ASTN2: variants seen among roughly 807,000 people sequenced by gnomAD.
ASTN2 encodes the protein astrotactin 2.
ASTN2 carries 54 observed loss-of-function variants against 139.8 expected under a neutral mutation model. The observed-to-expected ratio is 0.39, with a 90% CI of 0.31 to 0.48. The LOEUF is 0.48. Ranked by LOEUF, ASTN2 falls within the 20% of genes least tolerant of loss-of-function variation. The probability of loss-of-function intolerance (pLI) is 0.95; values close to 1 mark genes in which losing one functional copy is unlikely to be tolerated. For synonymous variants in ASTN2, 756 were observed against 719.5 expected (o/e 1.05, Z -0.81); for missense variants, 1,565 against 1,725.1 (o/e 0.91, Z 1.64).
rs187724854 is a variant in ASTN2, at chr9:116,496,436, A to G, written c.3356-8936T>C. 5.3e-5 allele frequency among the ~76,000 whole-genome samples: 8 copies of G among 152,270 alleles called. No homozygotes were observed. The East Asian group carries it at 1.4e-3, about 26-fold the overall frequency. ...GTTTATTTGGGAGGTGATTCCAGGG[A>G]GCAGGTATGGGGTAAAGGGCAGAGT... On this transcript the variant is annotated intron_variant, in intron 19 of 22. Coordinates refer to ENST00000313400, the MANE Select transcript of ASTN2 (RefSeq NM_001365068.1).
At chr9:116,978,791 G>GAA (rs3038406) in intron 7 of ASTN2, among the ~76,000 whole-genome samples, 44,427 of 149,826 alleles carry the variant, frequency 0.3, 6,691 homozygotes, top group Admixed American at 0.38. Flanking sequence ...AGGCTTCAGG[G>GAA]AAAAAAAAAA....
chr9:117,388,448 A>G (rs1173169282), intron 1 of ASTN2, among the ~76,000 whole-genome samples: 1 of 152,158 alleles, frequency 6.6e-6, no homozygotes, highest in Admixed American at 6.5e-5. Context: ...GATCTCCTTC[A>G]TCCTAGTGGG....
chr9:117,215,057 G>A (rs1294125567), intron 2 of ASTN2, among the ~76,000 whole-genome samples: 1 of 152,120 alleles, frequency 6.6e-6, no homozygotes, highest in Non-Finnish European at 1.5e-5. Context: ...ATGGATAACG[G>A]TCATGTCAGA....
intron 20 of ASTN2, among the ~76,000 whole-genome samples, chr9:116,457,523 T>C (rs566621516): frequency 3.9e-5 from 6 of 152,082 alleles, no homozygotes; most frequent in Non-Finnish European, 8.8e-5. Flanking sequence ...AATAACCCCA[T>C]TTAAAAATGG....
intron 1 of ASTN2, among the ~76,000 whole-genome samples, chr9:117,401,261 G>T (rs1727298605): frequency 6.6e-6 from 1 of 152,132 alleles, no homozygotes; most frequent in South Asian, 2.1e-4. Flanking sequence ...ACGTAGCTGA[G>T]GGAGCAAAAT....
At chr9:117,210,444 A>C (rs1832083374) in intron 3 of ASTN2, among the ~76,000 whole-genome samples, 1 of 152,154 alleles carries the variant, frequency 6.6e-6, no homozygotes, top group South Asian at 2.1e-4. Context: ...TAGGTCAATA[A>C]ATTTGAAAAC....
chr9:116,552,825 T>C (rs565397692), intron 19 of ASTN2, among the ~76,000 whole-genome samples: 103 of 152,362 alleles, frequency 6.8e-4, no homozygotes, highest in Non-Finnish European at 1.4e-3. Flanking sequence ...CTAAGCTGCA[T>C]GGGCACAGTC....
chr9:117,379,250 C>T (rs375099653), intron 1 of ASTN2, among the ~76,000 whole-genome samples: 19 of 152,260 alleles, frequency 1.2e-4, no homozygotes, highest in South Asian at 1.0e-3. Context: ...TTCCCCACCA[C>T]GACAGTCTAG....
At chr9:116,638,920 A>T (rs1351233939) in intron 17 of ASTN2, among the ~76,000 whole-genome samples, 1 of 152,224 alleles carries the variant, frequency 6.6e-6, no homozygotes, top group East Asian at 1.9e-4. Flanking sequence ...TTATCTTTTG[A>T]GTGTTTATGT....
rs763514812 is a variant in ASTN2, at chr9:116,545,244, CCTAGAT to C, written c.3356-57750_3356-57745del. 3.0e-4 allele frequency among the ~76,000 whole-genome samples: 45 copies of C among 152,286 alleles called. 1 individual carries two copies. The highest frequency in any genetic ancestry group is 3.4e-3 in the Middle Eastern group (1 of 294). On this transcript the variant is annotated intron_variant, in intron 19 of 22. Transcript: ENST00000313400. ...TTTGAGAGGGCCTGGAGTTTCAGCCCCTAGATGGGGCTGGGTGCCAGTGGTTTTCTG... is the reference window on the plus strand; with the variant it reads ...TTTGAGAGGGCCTGGAGTTTCAGCCCGGGGCTGGGTGCCAGTGGTTTTCTG...
intron 16 of ASTN2, among the ~76,000 whole-genome samples, chr9:116,689,695 T>G (rs527286297): frequency 2.6e-5 from 4 of 152,192 alleles, no homozygotes; most frequent in African/African-American, 9.7e-5. Context: ...TATCACTGAC[T>G]ATCAGATTGA....
intron 2 of ASTN2, among the ~76,000 whole-genome samples, chr9:117,289,546 G>A (rs540424465): frequency 3.9e-5 from 6 of 152,274 alleles, no homozygotes; most frequent in African/African-American, 1.4e-4. Flanking sequence ...TTACAAGAAG[G>A]ATACATGCAA....
chr9:117,231,996 A>C (rs1832906796), intron 2 of ASTN2, among the ~76,000 whole-genome samples: 1 of 152,156 alleles, frequency 6.6e-6, no homozygotes, highest in South Asian at 2.1e-4. Flanking sequence ...AGCAGCCCAG[A>C]AGGGGATTAG....
intron 20 of ASTN2, among the ~76,000 whole-genome samples, chr9:116,442,979 A>G (rs912712168): frequency 5.3e-5 from 8 of 152,242 alleles, no homozygotes; most frequent in African/African-American, 1.4e-4. Context: ...ACCAGGAAGT[A>G]CTTTAAGTGC....
intron 2 of ASTN2, among the ~76,000 whole-genome samples, chr9:117,263,205 C>T (rs1427417478): frequency 6.6e-6 from 1 of 152,010 alleles, no homozygotes; most frequent in Non-Finnish European, 1.5e-5. Context: ...TCTCTTTTTC[C>T]CTAATGATAC....
In ASTN2 at chr9:117,039,873, A is replaced by G. The variant is rs1243399049; in HGVS notation, c.1369T>C (p.Cys457Arg). The G allele has an allele frequency of 6.2e-7, 1 of 1,613,870 alleles. No homozygotes were observed. Among genetic ancestry groups the G allele is most frequent in the East Asian group, 2.2e-5 (1 of 44,774 alleles). Residue 457 changes from cysteine (C) to arginine (R), a missense_variant, in exon 6 of 23, where the codon TGT becomes CGT. Physicochemically the swap from Cys to Arg is radical, Grantham distance 180. Around this residue, in one of 4 missense-constraint regions of ASTN2, gnomAD observed 503 missense variants for 591.7 expected, o/e 0.85. Coordinates refer to ENST00000313400, the MANE Select transcript of ASTN2 (RefSeq NM_001365068.1). ...AGAGTCACCTTCACAGTGAGTGGAC[A>G]AGACATCTGGCTGCCACACACCATG... Reference protein sequence around the residue: ...LAMVCGSQMSCPLTVKVTLHV... With the variant: ...LAMVCGSQMSRPLTVKVTLHV...
intron 19 of ASTN2, among the ~76,000 whole-genome samples, chr9:116,591,197 C>T (rs772950097): frequency 9.2e-5 from 14 of 152,164 alleles, no homozygotes; most frequent in Non-Finnish European, 1.6e-4. Flanking sequence ...AGGGCCATGA[C>T]GCCCTCTTTG....
intron 7 of ASTN2, among the ~76,000 whole-genome samples, chr9:116,991,834 T>C (rs1184304234): frequency 6.6e-6 from 1 of 152,168 alleles, no homozygotes; most frequent in African/African-American, 2.4e-5. Context: ...AGCTTGATCA[T>C]GAGCTCTTGG....
chr9:117,274,219 A>G lies in ASTN2; in HGVS notation c.630+17107T>C, dbSNP rs1172754579. On this transcript the variant is annotated intron_variant, in intron 2 of 22. Transcript: ENST00000313400. The stretch of plus-strand genomic sequence containing the variant: ...CAAAAAAATAGCCGGACGTGGTGAC[A>G]TGTGCCTGTAATCCCAGCTACTCAG... 4.6e-5 allele frequency among the ~76,000 whole-genome samples: 7 copies of G among 152,240 alleles called. No homozygotes were observed. The East Asian group carries it at 1.4e-3, about 29-fold the overall frequency.
Sources: allele counts gnomAD v4.1 joint callset (sites outside exome capture counted in the v4.1 genomes callset), GRCh38; gene constraint gnomAD v4.1.1; regional missense constraint gnomAD v4.1.1; transcripts MANE v1.5; gene names NCBI Gene and HGNC (gene_info 2026-07-23, HGNC 2026-07-21).